Variants in ARSB observed in about 807,000 individuals in gnomAD.
The protein encoded by ARSB is N-acetylgalactosamine-4-sulfatase.
ARSB carries 41 observed loss-of-function variants against 50.9 expected under a neutral mutation model. That is an observed-to-expected ratio of 0.81 (90% CI 0.63 to 1.04). The LOEUF (loss-of-function observed/expected upper bound fraction) is 1.04, where lower values mean the gene tolerates loss of function less well. Among genes scored for constraint, ARSB ranks in the 50% least tolerant of loss-of-function variants. The pLI is 0.00. For synonymous variants in ARSB, 269 were observed against 284.8 expected, an observed-to-expected ratio of 0.94 and a Z score of 0.56; for missense variants, 672 against 693.3, an observed-to-expected ratio of 0.97 and a Z score of 0.35.
At chr5:78,833,410 G>A (rs1055125024) in intron 6 of ARSB, among the ~76,000 whole-genome samples, 8 of 152,206 alleles carry the variant, frequency 5.3e-5, no homozygotes, top group Non-Finnish European at 1.0e-4. Flanking sequence ...CAAAGGAAAA[G>A]AGAAGGGTAC....
chr5:78,790,223 A>G (rs937151178), intron 6 of ARSB, among the ~76,000 whole-genome samples: 2 of 152,204 alleles, frequency 1.3e-5, no homozygotes, highest in Non-Finnish European at 2.9e-5. Context: ...CATAGTACAC[A>G]GTAGCATAGA....
chr5:78,857,603 T>C (rs2112082963), intron 5 of ARSB, among the ~76,000 whole-genome samples: 1 of 152,308 alleles, frequency 6.6e-6, no homozygotes, highest in East Asian at 1.9e-4. Context: ...TCCAGGCTTA[T>C]AGGAACAAAG....
At chr5:78,982,718 A>G (rs1045664278) in intron 1 of ARSB, among the ~76,000 whole-genome samples, 1 of 152,230 alleles carries the variant, frequency 6.6e-6, no homozygotes, top group Admixed American at 6.5e-5. Context: ...ATAGTATCTG[A>G]CGGAGACTCC....
At chr5:78,804,343 G>A (rs928420358) in intron 6 of ARSB, among the ~76,000 whole-genome samples, 2 of 151,824 alleles carry the variant, frequency 1.3e-5, no homozygotes, top group African/African-American at 4.8e-5. Flanking sequence ...CACCCCATCC[G>A]AACCACCCTA....
intron 4 of ARSB, among the ~76,000 whole-genome samples, chr5:78,943,277 T>A (rs1463439679): frequency 1.3e-5 from 2 of 152,252 alleles, no homozygotes; most frequent in Non-Finnish European, 2.9e-5. Context: ...TTAGCCCATT[T>A]ACATTTAAGG....
intron 5 of ARSB, among the ~76,000 whole-genome samples, chr5:78,871,354 C>G (rs935542547): frequency 6.6e-6 from 1 of 151,854 alleles, no homozygotes; most frequent in African/African-American, 2.4e-5. Flanking sequence ...GCCCTCATTG[C>G]CAAGTCAATC....
At chr5:78,954,537 C>T (rs909810259) in intron 4 of ARSB, among the ~76,000 whole-genome samples, 1 of 152,162 alleles carries the variant, frequency 6.6e-6, no homozygotes, top group Non-Finnish European at 1.5e-5. Flanking sequence ...CACAGTCTCA[C>T]TCTGTTGCCC....
intron 4 of ARSB, among the ~76,000 whole-genome samples, chr5:78,906,043 T>C (rs924528067): frequency 2.0e-5 from 3 of 151,368 alleles, no homozygotes; most frequent in African/African-American, 7.3e-5. Flanking sequence ...GATCTTCAAC[T>C]GGGGCCTGTC....
intron 5 of ARSB, among the ~76,000 whole-genome samples, chr5:78,872,689 T>C (rs1167705923): frequency 7.1e-6 from 1 of 139,896 alleles, no homozygotes; most frequent in East Asian, 2.0e-4. Context: ...GGGGGAGGGA[T>C]AGCATTGGGA....
intron 5 of ARSB, among the ~76,000 whole-genome samples, chr5:78,851,986 C>T (rs948674972): frequency 1.3e-5 from 2 of 152,118 alleles, no homozygotes; most frequent in African/African-American, 2.4e-5. Flanking sequence ...CTGAATACAG[C>T]ACACTAATGG....
At chr5:78,984,836 C>A in intron 1 of ARSB, 101 bp downstream of exon 1, 2 of 1,004,298 alleles carry the variant, frequency 2.0e-6, no homozygotes, top group Non-Finnish European at 2.5e-6. Flanking sequence ...CGGTCCGAGC[C>A]CCGCCTGCCA....
chr5:78,866,463 C>A (rs1746746062), intron 5 of ARSB, among the ~76,000 whole-genome samples: 1 of 152,172 alleles, frequency 6.6e-6, no homozygotes, highest in Admixed American at 6.5e-5. Context: ...ACAGCCAAAC[C>A]ATATCAAGGG....
intron 5 of ARSB, among the ~76,000 whole-genome samples, chr5:78,871,264 C>T (rs1358551410): frequency 6.6e-6 from 1 of 152,036 alleles, no homozygotes; most frequent in African/African-American, 2.4e-5. Context: ...AGGTTCAATG[C>T]CAACCCCATC....
intron 4 of ARSB, among the ~76,000 whole-genome samples, chr5:78,945,628 C>A (rs1220740575): frequency 1.3e-5 from 2 of 152,146 alleles, no homozygotes; most frequent in Admixed American, 1.3e-4. Context: ...CACCATGAGA[C>A]CCTTCACAAT....
chr5:78,949,487 T>G (rs1751404449), intron 4 of ARSB, among the ~76,000 whole-genome samples: 1 of 152,266 alleles, frequency 6.6e-6, no homozygotes, highest in African/African-American at 2.4e-5. Context: ...TATAGCACAT[T>G]ATTAATTTCA....
At chr5:78,793,549 G>C (rs1201448338) in intron 6 of ARSB, among the ~76,000 whole-genome samples, 1 of 152,228 alleles carries the variant, frequency 6.6e-6, no homozygotes, top group Non-Finnish European at 1.5e-5. Flanking sequence ...CTTCCCAACT[G>C]CTCGGGAATC....
intron 5 of ARSB, among the ~76,000 whole-genome samples, chr5:78,875,281 C>T (rs1279106063): frequency 1.3e-5 from 2 of 152,084 alleles, no homozygotes; most frequent in African/African-American, 4.8e-5. Context: ...AGAAAAAAAT[C>T]ACCATTTGCA....
At chr5:78,872,898 A>G (rs996755154) in intron 5 of ARSB, among the ~76,000 whole-genome samples, 1 of 152,094 alleles carries the variant, frequency 6.6e-6, no homozygotes, top group African/African-American at 2.4e-5. Context: ...CTCTTGAAGC[A>G]CCTGAAGTAA....
intron 4 of ARSB, among the ~76,000 whole-genome samples, chr5:78,948,466 AC>A (rs1469691959): frequency 3.9e-4 from 60 of 152,208 alleles, no homozygotes; most frequent in African/African-American, 1.3e-3. Context: ...AAATAAAAAA[AC>A]AAACCCAGAA....
Sources: gnomAD v4.1 joint callset for allele counts (sites outside exome capture counted in the v4.1 genomes callset) on GRCh38, gnomAD v4.1.1 for gene constraint, MANE v1.5 for transcripts, NCBI Gene and HGNC (gene_info 2026-07-23, HGNC 2026-07-21) for gene names.